The following DOCK2 variants were observed in gnomAD, a reference collection of about 807,000 sequenced individuals.
DOCK2 encodes dedicator of cytokinesis 2.
DOCK2 carries 87 observed loss-of-function variants against 248.9 expected under a neutral mutation model. That is an observed-to-expected ratio of 0.35 (90% CI 0.29 to 0.42). The LOEUF is 0.42. DOCK2 is among the 10% of genes least tolerant of loss of function. The pLI, the probability that DOCK2 is intolerant of heterozygous loss-of-function variation, is 1.00. For synonymous variants in DOCK2, 805 were observed against 821.6 expected, an observed-to-expected ratio of 0.98 and a Z score of 0.35; for missense variants, 1,747 against 2,300.2, an observed-to-expected ratio of 0.76 and a Z score of 4.92.
intron 26 of DOCK2, among the ~76,000 whole-genome samples, chr5:169,815,819 G>T (rs543329157): frequency 2.2e-4 from 34 of 152,080 alleles, no homozygotes; most frequent in African/African-American, 6.0e-4. Flanking sequence ...TAACAAAGCT[G>T]GGCTCTGACC....
At position 170,060,979 on chromosome 5, in the gene DOCK2, G is replaced by A. The variant is rs569496182; in HGVS notation, c.4467+3313G>A. ...CGGGAGGCGGAGGTTGCAGTGAGCC[G>A]ATATCATGCCATTGCACTCCAGCCC... On this transcript the variant is annotated intron_variant, in intron 44 of 51. Transcript: ENST00000520908. 4.3e-4 allele frequency among the ~76,000 whole-genome samples: 65 copies of A among 152,078 alleles called. No homozygotes were observed. The South Asian group carries it at 7.9e-3, about 18-fold the overall frequency.
chr5:169,726,004 T>A (rs1362023566), intron 22 of DOCK2, among the ~76,000 whole-genome samples: 1 of 152,228 alleles, frequency 6.6e-6, no homozygotes, highest in Non-Finnish European at 1.5e-5. Context: ...TGATTTATAA[T>A]CCTTTGGGTA....
At chr5:169,849,354 C>G (rs754721433) in intron 27 of DOCK2, among the ~76,000 whole-genome samples, 1 of 152,202 alleles carries the variant, frequency 6.6e-6, no homozygotes, top group Non-Finnish European at 1.5e-5. Flanking sequence ...GAACTAGGAT[C>G]TGAACCCAGG....
At chr5:169,719,670 AGTTT>A (rs1368313380) in intron 22 of DOCK2, among the ~76,000 whole-genome samples, 2 of 152,178 alleles carry the variant, frequency 1.3e-5, no homozygotes, top group African/African-American at 4.8e-5. Flanking sequence ...TTATAAGGCA[AGTTT>A]TCCGACGCAG....
Position 169,764,844 on chromosome 5 carries a change from T to TTG in DOCK2, c.2554+3220_2554+3221insGT, listed in dbSNP as rs1764674451. ...GCTCTCCATTCTGACTTTGAACGTG[T>TTG]TTGTTGTTGTTGTTGTTGTTGTTGT... is the stretch of plus-strand genomic sequence containing the variant. On this transcript the variant is annotated intron_variant, in intron 25 of 51. Coordinates refer to ENST00000520908, the MANE Select transcript of DOCK2 (RefSeq NM_004946.3). The surrounding 1 kb of genome is among the most constrained non-coding windows in gnomAD (Gnocchi z 4.3). 6.6e-6 allele frequency among the ~76,000 whole-genome samples: 1 copy of TTG among 150,950 alleles called. No individual in the cohort carries two copies. The highest frequency in any genetic ancestry group is 1.5e-5 in the Non-Finnish European group (1 of 67,860).
At chr5:169,918,162 T>C (rs182372951) in intron 27 of DOCK2, among the ~76,000 whole-genome samples, 53 of 152,326 alleles carry the variant, frequency 3.5e-4, no homozygotes, top group Admixed American at 2.1e-3. Context: ...TTTGTTACTA[T>C]TAAAATTTTA....
At chr5:169,828,946 T>C (rs1769050601) in intron 26 of DOCK2, among the ~76,000 whole-genome samples, 1 of 152,228 alleles carries the variant, frequency 6.6e-6, no homozygotes, top group Admixed American at 6.5e-5. Context: ...CACAATCTAT[T>C]TGTTTAACAG....
intron 22 of DOCK2, among the ~76,000 whole-genome samples, chr5:169,746,515 C>T (rs1478943212): frequency 6.6e-6 from 1 of 152,134 alleles, no homozygotes; most frequent in Non-Finnish European, 1.5e-5. Flanking sequence ...CTCTCTTTAT[C>T]TGAATTGGAG....
intron 26 of DOCK2, among the ~76,000 whole-genome samples, chr5:169,820,854 G>C (rs1480814683): frequency 3.3e-5 from 5 of 152,150 alleles, no homozygotes; most frequent in Admixed American, 2.6e-4. Flanking sequence ...CAATGGCAAA[G>C]AAGTTAAAAA....
At chr5:169,976,567 T>G (rs1275132925) in intron 27 of DOCK2, among the ~76,000 whole-genome samples, 2 of 152,128 alleles carry the variant, frequency 1.3e-5, no homozygotes, top group East Asian at 3.9e-4. Context: ...ACTTTAGAAG[T>G]TTTCAAGTGA....
rs140208580 is a variant in DOCK2 at position 169,845,624 on chromosome 5, G to A, written c.2799+4772G>A. 3.9e-5 allele frequency among the ~76,000 whole-genome samples: 6 copies of A among 152,306 alleles called. No homozygotes were observed. In the East Asian group the frequency reaches 5.8e-4, roughly 15 times the overall value. ...GATTGCTCTTCCTTATTCAACAAAT[G>A]TGTTTTCTAAATGTGGGAATCCACA... On this transcript the variant is annotated intron_variant, in intron 27 of 51. Transcript: ENST00000520908.
chr5:169,686,916 A>G (rs78011838), intron 8 of DOCK2, among the ~76,000 whole-genome samples: 10,891 of 152,204 alleles, frequency 0.072, 427 homozygotes, highest in Middle Eastern at 0.1. Flanking sequence ...GAGGAGTTGG[A>G]ATAGTACTCC....
At chr5:169,983,591 G>A (rs1777993522) in intron 28 of DOCK2, among the ~76,000 whole-genome samples, 1 of 152,142 alleles carries the variant, frequency 6.6e-6, no homozygotes, top group South Asian at 2.1e-4. Flanking sequence ...AGCCTCTCAG[G>A]ATGCATTTGC....
intron 6 of DOCK2, among the ~76,000 whole-genome samples, chr5:169,675,117 C>T (rs7701066): frequency 0.013 from 1,991 of 152,164 alleles, 25 homozygotes; most frequent in African/African-American, 0.025. Flanking sequence ...CACTTTTTTC[C>T]GATAAAGAAA....
At chr5:169,902,066 A>G (rs913972918) in intron 27 of DOCK2, among the ~76,000 whole-genome samples, 2 of 152,230 alleles carry the variant, frequency 1.3e-5, no homozygotes, top group Non-Finnish European at 2.9e-5. Context: ...TGTGCCAAGG[A>G]AACCACAGAA....
Position 169,816,405 on chromosome 5 carries a change from G to A in DOCK2, c.2703+13199G>A, listed in dbSNP as rs77400588. Among the ~76,000 whole-genome samples, 797 of 152,338 alleles carry A rather than the reference G, an allele frequency of 5.2e-3. 8 individuals carry two copies. Among genetic ancestry groups the A allele is most frequent in the African/African-American group, 0.019 (770 of 41,568 alleles). ...AAACACAATTGGTTTAACAGTCTGG[G>A]TTGGAAAATAAAGTTTAATTTCAGC... On this transcript the variant is annotated intron_variant, in intron 26 of 51. Coordinates refer to ENST00000520908, the MANE Select transcript of DOCK2 (RefSeq NM_004946.3).
chr5:169,993,236 G>T (rs963978264), intron 29 of DOCK2, among the ~76,000 whole-genome samples: 1 of 152,174 alleles, frequency 6.6e-6, no homozygotes, highest in Non-Finnish European at 1.5e-5. Context: ...CAAAACCAAA[G>T]AAATCTCACT....
chr5:169,825,422 G>A (rs113326021), intron 26 of DOCK2, among the ~76,000 whole-genome samples: 44,200 of 148,808 alleles, frequency 0.3, 8,538 homozygotes, highest in African/African-American at 0.55. Context: ...CATATACACC[G>A]TGGAATACTA....
At chr5:169,939,237 G>A (rs1272009117) in intron 27 of DOCK2, among the ~76,000 whole-genome samples, 1 of 142,708 alleles carries the variant, frequency 7.0e-6, no homozygotes, top group African/African-American at 2.6e-5. Context: ...AAGCTCTTTT[G>A]TTAAAAACTA....
Sources: allele counts gnomAD v4.1 joint callset (sites outside exome capture counted in the v4.1 genomes callset), GRCh38; gene constraint gnomAD v4.1.1; non-coding constraint Gnocchi (gnomAD v3.1); transcripts MANE v1.5; gene names NCBI Gene and HGNC (gene_info 2026-07-23, HGNC 2026-07-21).